CCDC102B: variants seen among roughly 807,000 people sequenced by gnomAD.
The protein encoded by CCDC102B is coiled-coil domain containing 102B.
A neutral mutation model predicts 57.4 loss-of-function variants in CCDC102B; 75 were observed. That is an observed-to-expected ratio of 1.31 (90% CI 1.08 to 1.58). The LOEUF (loss-of-function observed/expected upper bound fraction) is 1.58, where lower values mean the gene tolerates loss of function less well. Ranked by LOEUF, CCDC102B falls within the 40% of genes most tolerant of loss-of-function variation. CCDC102B has a pLI of 0.00. For missense variants in CCDC102B, 636 were observed against 582.6 expected (o/e 1.09, Z -0.94); for synonymous variants, 206 against 201.9 (o/e 1.02, Z -0.17).
chr18:68,788,997 C>T (rs2035323129), intron 2 of CCDC102B, among the ~76,000 whole-genome samples: 2 of 152,234 alleles, frequency 1.3e-5, no homozygotes, highest in Admixed American at 1.3e-4. Context: ...TTAGTGCTTC[C>T]TTCAGGAGCT....
chr18:68,723,588 A>C (rs2032457739), intron 2 of CCDC102B, among the ~76,000 whole-genome samples: 1 of 152,214 alleles, frequency 6.6e-6, no homozygotes, highest in South Asian at 2.1e-4. Context: ...GCAAGTCCGA[A>C]ATCCAACAGG....
chr18:68,720,996 GC>G (rs1472032223), intron 2 of CCDC102B: 1 of 152,270 alleles, frequency 6.6e-6, no homozygotes, highest in African/African-American at 2.4e-5. Context: ...ATTGCTGGAG[GC>G]CAAGAATTTG....
chr18:69,009,996 A>G (rs1173310285), intron 6 of CCDC102B, among the ~76,000 whole-genome samples: 1 of 116,524 alleles, frequency 8.6e-6, no homozygotes. Flanking sequence ...CTGTGGCGCT[A>G]TCTCGGCTCA....
intron 6 of CCDC102B, among the ~76,000 whole-genome samples, chr18:68,930,891 C>G (rs551589505): frequency 7.2e-4 from 109 of 151,706 alleles, no homozygotes; most frequent in Non-Finnish European, 1.3e-3. Flanking sequence ...TGCAAGATCA[C>G]AGTAGCAGTT....
chr18:68,832,516 G>A (rs2037189008), intron 1 of CCDC102B, among the ~76,000 whole-genome samples: 1 of 152,014 alleles, frequency 6.6e-6, no homozygotes, highest in African/African-American at 2.4e-5. Context: ...GCTGTGTTTT[G>A]TTTTGTTTTA....
intron 2 of CCDC102B, among the ~76,000 whole-genome samples, chr18:68,774,929 C>A (rs879945463): frequency 2.4e-4 from 36 of 151,014 alleles, no homozygotes; most frequent in Admixed American, 4.6e-4. Context: ...TATAGTTTTT[C>A]CATTTATTTT....
intron 2 of CCDC102B, among the ~76,000 whole-genome samples, chr18:68,765,824 C>A (rs1439594380): frequency 6.6e-6 from 1 of 152,048 alleles, no homozygotes; most frequent in African/African-American, 2.4e-5. Flanking sequence ...TGATGTAACT[C>A]ATACTTTTTC....
chr18:69,000,472 G>GTA (rs2051170893), intron 6 of CCDC102B, among the ~76,000 whole-genome samples: 1 of 152,002 alleles, frequency 6.6e-6, no homozygotes, highest in Non-Finnish European at 1.5e-5. Context: ...GACTATATAC[G>GTA]TATATAGACA....
chr18:68,878,036 T>C (rs1295700818), intron 5 of CCDC102B, among the ~76,000 whole-genome samples: 2 of 152,328 alleles, frequency 1.3e-5, no homozygotes, highest in East Asian at 1.9e-4. Context: ...AAAATAAGAA[T>C]GGAGGAAGGG....
intron 2 of CCDC102B, among the ~76,000 whole-genome samples, chr18:68,790,107 C>T (rs2035378209): frequency 6.7e-6 from 1 of 149,264 alleles, no homozygotes; most frequent in African/African-American, 2.5e-5. Flanking sequence ...TGTCAGTCTG[C>T]CCCTGCTGGG....
chr18:68,971,500 T>C (rs1400228643), intron 6 of CCDC102B, among the ~76,000 whole-genome samples: 1 of 152,188 alleles, frequency 6.6e-6, no homozygotes, highest in African/African-American at 2.4e-5. Context: ...CTTGCTGTAT[T>C]CATAGATCCC....
intron 6 of CCDC102B, among the ~76,000 whole-genome samples, chr18:68,974,739 A>G (rs951037604): frequency 6.6e-6 from 1 of 151,940 alleles, no homozygotes; most frequent in South Asian, 2.1e-4. Context: ...TATATGTACA[A>G]ATACTAAAAT....
chr18:68,808,049 T>A (rs2144701309), intron 1 of CCDC102B, among the ~76,000 whole-genome samples: 1 of 152,248 alleles, frequency 6.6e-6, no homozygotes, highest in East Asian at 1.9e-4. Flanking sequence ...CTTCTCAAGA[T>A]TACAAACTCA....
intron 6 of CCDC102B, among the ~76,000 whole-genome samples, chr18:68,941,606 G>T (rs1051685679): frequency 6.6e-6 from 1 of 152,088 alleles, no homozygotes; most frequent in African/African-American, 2.4e-5. Context: ...ATATTAAGAA[G>T]TTACTGTTTT....
At chr18:68,890,487 A>C (rs2040035725) in intron 5 of CCDC102B, among the ~76,000 whole-genome samples, 1 of 152,124 alleles carries the variant, frequency 6.6e-6, no homozygotes, top group Non-Finnish European at 1.5e-5. Flanking sequence ...GGCCTACCAA[A>C]TTTTGGGGAT....
At chr18:68,858,672 G>A (rs9948116) in intron 4 of CCDC102B, among the ~76,000 whole-genome samples, 99,901 of 151,844 alleles carry the variant, frequency 0.66, 33,804 homozygotes, top group Non-Finnish European at 0.73. Flanking sequence ...CAGTTTTCCA[G>A]TGTTATTCTC....
chr18:68,790,615 T>C (rs934971701), intron 2 of CCDC102B, among the ~76,000 whole-genome samples: 8 of 152,110 alleles, frequency 5.3e-5, no homozygotes, highest in Non-Finnish European at 1.2e-4. Context: ...CTCACCCCTT[T>C]CTTTGACTCG....
At chr18:68,869,999 T>G (rs2039170641) in intron 4 of CCDC102B, among the ~76,000 whole-genome samples, 1 of 152,170 alleles carries the variant, frequency 6.6e-6, no homozygotes. Flanking sequence ...CAATTGCTGG[T>G]TTTTGTCAGG....
intron 2 of CCDC102B, among the ~76,000 whole-genome samples, chr18:68,790,656 C>T (rs2144659606): frequency 6.6e-6 from 1 of 152,336 alleles, no homozygotes; most frequent in South Asian, 2.1e-4. Flanking sequence ...CTTGCGCTTC[C>T]CAAGTGAGGC....
Sources: allele counts gnomAD v4.1 joint callset (sites outside exome capture counted in the v4.1 genomes callset), GRCh38; gene constraint gnomAD v4.1.1; transcripts MANE v1.5; gene names NCBI Gene and HGNC (gene_info 2026-07-23, HGNC 2026-07-21).